The following THSD4 variants were observed in gnomAD, a reference collection of about 807,000 sequenced individuals.
The protein encoded by THSD4 is thrombospondin type-1 domain-containing protein 4.
THSD4 carries 69 observed loss-of-function variants against 119.0 expected under a neutral mutation model. That is an observed-to-expected ratio of 0.58 (90% CI 0.48 to 0.71). The LOEUF (loss-of-function observed/expected upper bound fraction) is 0.71. THSD4 is among the 30% of genes least tolerant of loss of function. The probability of loss-of-function intolerance (pLI) is 0.00; values close to 1 mark genes in which losing one functional copy is unlikely to be tolerated. For synonymous variants in THSD4, 524 were observed against 540.4 expected (o/e 0.97, Z 0.42); for missense variants, 1,393 against 1,391.1 (o/e 1.00, Z -0.02).
chr15:71,289,477 A>G (rs2044763330), intron 6 of THSD4, among the ~76,000 whole-genome samples: 1 of 152,106 alleles, frequency 6.6e-6, no homozygotes, highest in Admixed American at 6.5e-5. Context: ...TCCACCCTGA[A>G]TAAAGTAGTG....
intron 8 of THSD4, among the ~76,000 whole-genome samples, chr15:71,675,207 A>G (rs931728): frequency 0.28 from 42,037 of 152,024 alleles, 6,649 homozygotes; most frequent in East Asian, 0.74. Flanking sequence ...TTTTATAGCC[A>G]GCCCTGTGGT....
chr15:71,749,048 T>A (rs1226594853), intron 14 of THSD4, among the ~76,000 whole-genome samples: 2 of 152,220 alleles, frequency 1.3e-5, no homozygotes, highest in Non-Finnish European at 2.9e-5. Flanking sequence ...TAGTCAACCA[T>A]TAGCCCACCA....
At chr15:71,667,795 G>T (rs4777434) in intron 8 of THSD4, among the ~76,000 whole-genome samples, 2,500 of 152,176 alleles carry the variant, frequency 0.016, 48 homozygotes, top group Non-Finnish European at 0.027. Context: ...GAGCAAAAAG[G>T]TAAAATTCCC....
chr15:71,562,690 C>T (rs548632706), intron 7 of THSD4, among the ~76,000 whole-genome samples: 1 of 142,818 alleles, frequency 7.0e-6, no homozygotes, highest in African/African-American at 2.5e-5. Flanking sequence ...AGCCTACCAC[C>T]TTTGGTCCTT....
At chr15:71,628,248 GATC>G (rs1408270827) in intron 7 of THSD4, among the ~76,000 whole-genome samples, 1 of 152,138 alleles carries the variant, frequency 6.6e-6, no homozygotes, top group Non-Finnish European at 1.5e-5. Context: ...AGAAGCCTTG[GATC>G]ATCTTAATTT....
At chr15:71,718,829 C>G (rs1167352382) in intron 8 of THSD4, among the ~76,000 whole-genome samples, 2 of 152,144 alleles carry the variant, frequency 1.3e-5, no homozygotes, top group African/African-American at 4.8e-5. Flanking sequence ...CAAATGCCAC[C>G]CGCTCTCTGA....
chr15:71,312,405 T>G (rs2045124037), intron 6 of THSD4, among the ~76,000 whole-genome samples: 1 of 151,896 alleles, frequency 6.6e-6, no homozygotes, highest in Non-Finnish European at 1.5e-5. Context: ...CTTAACCTAA[T>G]CTGACTATTG....
At chr15:71,256,278 C>G (rs2044315478) in intron 5 of THSD4, among the ~76,000 whole-genome samples, 1 of 151,922 alleles carries the variant, frequency 6.6e-6, no homozygotes, top group African/African-American at 2.4e-5. Flanking sequence ...AGTTCAAGAC[C>G]AGCCTGGCCA....
chr15:71,675,427 G>A (rs1254128978), intron 8 of THSD4, among the ~76,000 whole-genome samples: 3 of 152,178 alleles, frequency 2.0e-5, no homozygotes, highest in Non-Finnish European at 4.4e-5. Context: ...AAGACAAACA[G>A]GCCAGCCTTA....
intron 8 of THSD4, among the ~76,000 whole-genome samples, chr15:71,687,659 G>C (rs532473928): frequency 1.3e-5 from 2 of 151,788 alleles, no homozygotes; most frequent in South Asian, 4.2e-4. Context: ...GAAGGCTGAG[G>C]CAGGAGAATT....
chr15:71,687,893 A>T (rs892956911), intron 8 of THSD4, among the ~76,000 whole-genome samples: 1 of 152,050 alleles, frequency 6.6e-6, no homozygotes, highest in Non-Finnish European at 1.5e-5. Context: ...CTGTTTGTTC[A>T]TTTTTTCTCA....
chr15:71,466,965 C>T (rs554158528), intron 7 of THSD4, among the ~76,000 whole-genome samples: 2 of 152,344 alleles, frequency 1.3e-5, no homozygotes, highest in South Asian at 2.1e-4. Context: ...GACCTCTAAT[C>T]CGGTGTCCCC....
At chr15:71,298,047 G>T (rs114473910) in intron 6 of THSD4, among the ~76,000 whole-genome samples, 3,922 of 152,090 alleles carry the variant, frequency 0.026, 181 homozygotes, top group African/African-American at 0.091. Flanking sequence ...ATTTACCCTT[G>T]TGTTTTCTTC....
intron 7 of THSD4, among the ~76,000 whole-genome samples, chr15:71,530,483 T>C (rs2048591177): frequency 6.6e-6 from 1 of 152,174 alleles, no homozygotes; most frequent in Non-Finnish European, 1.5e-5. Flanking sequence ...CAGTGGTTTT[T>C]GGGTGTGAGT....
chr15:71,490,925 C>T (rs1392169356), intron 7 of THSD4, among the ~76,000 whole-genome samples: 1 of 152,180 alleles, frequency 6.6e-6, no homozygotes, highest in Non-Finnish European at 1.5e-5. Flanking sequence ...TGCCAGGTGG[C>T]CTGCCAAGCC....
In THSD4 at chr15:71,660,667, C is replaced by T. The variant is rs181734399; in HGVS notation, c.1290C>T (p.Val430=). The stretch of plus-strand genomic sequence containing the variant: ...TCACCAGCCTGGGCTACCACCGCGT[C>T]GTGGAGATTCCCGAGGGAGCCACGA... ...HALTSLGYHR[V]VEIPEGATKI... The change falls in exon 8 of 18, where the codon GTC becomes GTT. Residue 430 remains valine (V), a synonymous_variant. Coordinates refer to ENST00000261862, the MANE Select transcript of THSD4 (RefSeq NM_024817.3). 3.8e-5 allele frequency: 62 copies of T among 1,614,124 alleles called. No homozygotes were observed. The highest frequency in any genetic ancestry group is 2.9e-4 in the East Asian group (13 of 44,868).
chr15:71,240,856 A>T (rs917517099), intron 4 of THSD4, among the ~76,000 whole-genome samples: 2 of 150,782 alleles, frequency 1.3e-5, no homozygotes, highest in African/African-American at 2.4e-5. Flanking sequence ...CATATATATG[A>T]CTAACTTCTT....
At chr15:71,341,729 A>G in intron 6 of THSD4, 1 of 966,218 alleles carries the variant, frequency 1.0e-6, no homozygotes. Context: ...AGATTACCTC[A>G]GGCTGCTTAG....
intron 4 of THSD4, among the ~76,000 whole-genome samples, chr15:71,236,326 G>A (rs2044105546): frequency 6.6e-6 from 1 of 152,212 alleles, no homozygotes; most frequent in Non-Finnish European, 1.5e-5. Context: ...TGCCTGGGTG[G>A]CTTTCCAGCT....
Sources: gnomAD v4.1 joint callset for allele counts (sites outside exome capture counted in the v4.1 genomes callset) on GRCh38, gnomAD v4.1.1 for gene constraint, MANE v1.5 for transcripts, NCBI Gene and HGNC (gene_info 2026-07-23, HGNC 2026-07-21) for gene names.